Variants in KIF16B observed in about 807,000 individuals in gnomAD.
KIF16B encodes the protein kinesin-like protein KIF16B.
Under a neutral mutation model 156.3 loss-of-function variants are expected in KIF16B, and 98 were observed. The observed-to-expected ratio is 0.63, with a 90% CI of 0.53 to 0.74. KIF16B has a LOEUF of 0.74. Among genes scored for constraint, KIF16B ranks in the 30% least tolerant of loss-of-function variants. The pLI is 0.00. For missense variants in KIF16B, 1,421 were observed against 1,606.5 expected (o/e 0.88, Z 1.97); for synonymous variants, 564 against 583.7 (o/e 0.97, Z 0.49).
At chr20:16,570,983 C>T (rs1022329630) in intron 1 of KIF16B, among the ~76,000 whole-genome samples, 6 of 152,224 alleles carry the variant, frequency 3.9e-5, no homozygotes, top group African/African-American at 1.4e-4. Flanking sequence ...CAGCTTTCTG[C>T]TGAACATCTC....
At chr20:16,510,408 T>C (rs865793346) in intron 6 of KIF16B, among the ~76,000 whole-genome samples, 1 of 152,096 alleles carries the variant, frequency 6.6e-6, no homozygotes, top group Non-Finnish European at 1.5e-5. Flanking sequence ...TCCCAGCACA[T>C]TGGGAAGCCG....
intron 22 of KIF16B, chr20:16,367,186 T>C: frequency 6.2e-7 from 1 of 1,610,610 alleles, no homozygotes; most frequent in Non-Finnish European, 8.5e-7. Flanking sequence ...AAGAGCCTCA[T>C]CTTGAGAATT....
At chr20:16,533,825 C>T (rs6044082) in intron 1 of KIF16B, among the ~76,000 whole-genome samples, 52,980 of 152,000 alleles carry the variant, frequency 0.35, 9,282 homozygotes, top group African/African-American at 0.36. Context: ...AATTTAAAAT[C>T]ATATCAAAAG....
chr20:16,506,275 C>A, intron 7 of KIF16B, 85 bp from the exon 8 acceptor site: 1 of 1,142,618 alleles, frequency 8.8e-7, no homozygotes, highest in South Asian at 1.3e-5. Context: ...ATTTTCTGCT[C>A]CTCACTGAGA....
intron 10 of KIF16B, among the ~76,000 whole-genome samples, chr20:16,498,267 G>T (rs995359103): frequency 6.6e-6 from 1 of 152,094 alleles, no homozygotes; most frequent in Admixed American, 6.5e-5. Context: ...AGAGGGAAAC[G>T]GAATCAGGCT....
intron 3 of KIF16B, among the ~76,000 whole-genome samples, chr20:16,521,284 C>T (rs776458360): frequency 2.6e-5 from 4 of 151,824 alleles, no homozygotes; most frequent in African/African-American, 9.7e-5. Flanking sequence ...AAGGGTTAGA[C>T]GAATTGCTAA....
At chr20:16,544,484 A>G (rs62196285) in intron 1 of KIF16B, among the ~76,000 whole-genome samples, 5,818 of 151,794 alleles carry the variant, frequency 0.038, 169 homozygotes, top group Middle Eastern at 0.079. Context: ...GCAGGTGTCT[A>G]TAATCCCAGC....
intron 24 of KIF16B, among the ~76,000 whole-genome samples, chr20:16,323,910 T>C (rs901204780): frequency 8.6e-5 from 13 of 151,866 alleles, no homozygotes; most frequent in African/African-American, 2.7e-4. Flanking sequence ...CTTTCAGTTA[T>C]ATTTGGTATA....
intron 25 of KIF16B, among the ~76,000 whole-genome samples, chr20:16,276,873 T>C (rs936306500): frequency 2.6e-5 from 4 of 152,234 alleles, no homozygotes; most frequent in African/African-American, 9.6e-5. Context: ...TTATCTTTTT[T>C]TGAATTAAAG....
intron 17 of KIF16B, among the ~76,000 whole-genome samples, chr20:16,384,023 G>A (rs2065167270): frequency 6.6e-6 from 1 of 152,212 alleles, no homozygotes; most frequent in Non-Finnish European, 1.5e-5. Context: ...GCAGGAAACT[G>A]AGGCTTAGAG....
chr20:16,505,265 A>G (rs2068740026), intron 9 of KIF16B, among the ~76,000 whole-genome samples: 2 of 152,216 alleles, frequency 1.3e-5, no homozygotes. Flanking sequence ...GCTTCTTTCA[A>G]TTATTGGCTG....
intron 11 of KIF16B, 35 bp from the exon 12 acceptor site, chr20:16,494,385 TA>T: frequency 7.4e-7 from 1 of 1,350,664 alleles, no homozygotes; most frequent in Non-Finnish European, 1.0e-6. Flanking sequence ...GACTGCTTCA[TA>T]AAGAAAGTTT....
chr20:16,352,793 C>A (rs1330221776), intron 23 of KIF16B, among the ~76,000 whole-genome samples: 3 of 152,210 alleles, frequency 2.0e-5, no homozygotes. Flanking sequence ...ACACCCCTGG[C>A]GTGTTGTCTC....
At chr20:16,439,454 C>T (rs1406154200) in intron 12 of KIF16B, among the ~76,000 whole-genome samples, 3 of 152,156 alleles carry the variant, frequency 2.0e-5, no homozygotes, top group Admixed American at 6.5e-5. Context: ...CCTCATCTCC[C>T]CTTCACTTTC....
At chr20:16,332,291 T>C (rs2063961345) in intron 24 of KIF16B, among the ~76,000 whole-genome samples, 1 of 152,112 alleles carries the variant, frequency 6.6e-6, no homozygotes, top group Admixed American at 6.6e-5. Context: ...GCCCCCACAC[T>C]TCCCAGTGAT....
In KIF16B at chr20:16,341,935, C is replaced by T. The variant is rs150103182; in HGVS notation, c.3622-5920G>A. Among the ~76,000 whole-genome samples, 813 of 152,346 alleles carry T rather than the reference C, an allele frequency of 5.3e-3. 9 individuals carry two copies. The highest frequency in any genetic ancestry group is 0.018 in the African/African-American group (769 of 41,580). On this transcript the variant is annotated intron_variant, in intron 23 of 25. Transcript: ENST00000354981. The stretch of plus-strand genomic sequence containing the variant: ...ACTAAAAATCTCACACCCCAGACAA[C>T]GTGTGAATAAAGAAATATAGTATAT...
At chr20:16,480,983 C>A (rs2146837250) in intron 12 of KIF16B, among the ~76,000 whole-genome samples, 1 of 152,288 alleles carries the variant, frequency 6.6e-6, no homozygotes, top group East Asian at 1.9e-4. Context: ...GAACCTACAA[C>A]CATGCAATAA....
At chr20:16,572,913 C>G (rs1240386543) in intron 1 of KIF16B, among the ~76,000 whole-genome samples, 5 of 152,174 alleles carry the variant, frequency 3.3e-5, no homozygotes, top group African/African-American at 1.2e-4. Context: ...CTCACCTTCC[C>G]CCCAACTATT....
At chr20:16,328,250 G>T (rs74406066) in intron 24 of KIF16B, among the ~76,000 whole-genome samples, 2,967 of 152,244 alleles carry the variant, frequency 0.019, 91 homozygotes, top group African/African-American at 0.065. Context: ...TTTATGGAAG[G>T]CTCTCAAAAT....
Sources: allele counts gnomAD v4.1 joint callset (sites outside exome capture counted in the v4.1 genomes callset), GRCh38; gene constraint gnomAD v4.1.1; transcripts MANE v1.5; gene names NCBI Gene and HGNC (gene_info 2026-07-23, HGNC 2026-07-21).